TMEM132B: variants seen among roughly 807,000 people sequenced by gnomAD.
TMEM132B encodes the protein transmembrane protein 132B.
TMEM132B carries 18 observed loss-of-function variants against 90.8 expected under a neutral mutation model. That is an observed-to-expected ratio of 0.20 (90% confidence interval 0.14 to 0.29). The LOEUF (loss-of-function observed/expected upper bound fraction) is 0.29, where lower values mean the gene tolerates loss of function less well. TMEM132B is among the 10% of genes least tolerant of loss of function. The pLI is 1.00. For missense variants in TMEM132B, 1,096 were observed against 1,326.8 expected (o/e 0.83, Z 2.70); for synonymous variants, 504 against 523.3 (o/e 0.96, Z 0.50).
At chr12:125,431,809 C>G (rs1165563977) in intron 3 of TMEM132B, among the ~76,000 whole-genome samples, 2 of 152,132 alleles carry the variant, frequency 1.3e-5, no homozygotes, top group Non-Finnish European at 2.9e-5. Flanking sequence ...GCTTGAGATA[C>G]AATCTGCAAT....
intron 1 of TMEM132B, among the ~76,000 whole-genome samples, chr12:125,256,899 T>C (rs1874450515): frequency 6.6e-6 from 1 of 152,208 alleles, no homozygotes; most frequent in Non-Finnish European, 1.5e-5. Flanking sequence ...GGGGGCTCTT[T>C]ACACAGAGAT....
intron 4 of TMEM132B, among the ~76,000 whole-genome samples, chr12:125,580,645 AT>A (rs1566079830): frequency 6.6e-6 from 1 of 152,060 alleles, no homozygotes; most frequent in African/African-American, 2.4e-5. Flanking sequence ...ATAATTAGCC[AT>A]TTTTTCTTGA....
intron 3 of TMEM132B, among the ~76,000 whole-genome samples, chr12:125,450,725 C>CT (rs1593153318): frequency 6.6e-6 from 1 of 152,218 alleles, no homozygotes; most frequent in East Asian, 1.9e-4. Flanking sequence ...TAACAGATCG[C>CT]TTATTAATTA....
At chr12:125,264,078 C>T (rs1440705152) in intron 1 of TMEM132B, among the ~76,000 whole-genome samples, 1 of 152,184 alleles carries the variant, frequency 6.6e-6, no homozygotes, top group African/African-American at 2.4e-5. Context: ...TCTGGAAGCT[C>T]TAGAGGAAAA....
chr12:125,528,439 A>C (rs1359978203), intron 4 of TMEM132B, among the ~76,000 whole-genome samples: 1 of 152,248 alleles, frequency 6.6e-6, no homozygotes, highest in East Asian at 1.9e-4. Context: ...AGAGATCATC[A>C]GATTCCTTTT....
rs112393054 is a variant in TMEM132B, at chr12:125,549,321, C to T, written c.1293+29696C>T. 6.4e-3 allele frequency among the ~76,000 whole-genome samples: 981 copies of T among 152,344 alleles called. 10 individuals carry two copies. Among genetic ancestry groups the T allele is most frequent in the African/African-American group, 0.023 (944 of 41,574 alleles). On this transcript the variant is annotated intron_variant, in intron 4 of 8. Transcript: ENST00000682704. ...TCCTCGGCTCTGTTGAACCCACCCA[C>T]GCTCTGAGGTCTCTAGAAAACAGCC...
At chr12:125,442,464 T>C (rs2136431007) in intron 3 of TMEM132B, among the ~76,000 whole-genome samples, 1 of 152,324 alleles carries the variant, frequency 6.6e-6, no homozygotes, top group Admixed American at 6.5e-5. Flanking sequence ...TTACTAGCTG[T>C]GTGGCCTCAG....
chr12:125,547,330 AT>A (rs1366196396), intron 4 of TMEM132B, among the ~76,000 whole-genome samples: 1 of 143,610 alleles, frequency 7.0e-6, no homozygotes, highest in Non-Finnish European at 1.5e-5. Context: ...AATTTTAGCC[AT>A]TTTTTTGTGG....
chr12:125,211,506 G>A (rs1873316669), intron 1 of TMEM132B, among the ~76,000 whole-genome samples: 1 of 152,210 alleles, frequency 6.6e-6, no homozygotes, highest in Admixed American at 6.5e-5. Context: ...GCTGTCTGCT[G>A]CCTGTTTTCT....
intron 3 of TMEM132B, among the ~76,000 whole-genome samples, chr12:125,440,258 T>C (rs930915948): frequency 6.6e-6 from 1 of 152,212 alleles, no homozygotes; most frequent in African/African-American, 2.4e-5. Flanking sequence ...ATGGATATGC[T>C]CTTGGTGTTT....
chr12:125,591,372 G>C (rs1235104565), intron 5 of TMEM132B, among the ~76,000 whole-genome samples: 2 of 152,066 alleles, frequency 1.3e-5, no homozygotes, highest in Non-Finnish European at 2.9e-5. Context: ...TTCAAAGCCA[G>C]CAGCGTAGCA....
chr12:125,330,024 G>T (rs1317398785), intron 1 of TMEM132B, among the ~76,000 whole-genome samples: 1 of 152,260 alleles, frequency 6.6e-6, no homozygotes, highest in Non-Finnish European at 1.5e-5. Flanking sequence ...TGTGGCCATT[G>T]TTCCGTGGCC....
chr12:125,562,045 TTAAG>T (rs1254406649), intron 4 of TMEM132B, among the ~76,000 whole-genome samples: 1 of 152,244 alleles, frequency 6.6e-6, no homozygotes, highest in Non-Finnish European at 1.5e-5. Context: ...GATCTGTTGT[TTAAG>T]TATAGCCATC....
At chr12:125,327,868 A>G (rs1340888270) in intron 1 of TMEM132B, among the ~76,000 whole-genome samples, 1 of 152,210 alleles carries the variant, frequency 6.6e-6, no homozygotes, top group Non-Finnish European at 1.5e-5. Flanking sequence ...CGGGCTCTAC[A>G]TAGCTAAGAG....
At chr12:125,427,002 AG>A (rs1437661645) in intron 3 of TMEM132B, among the ~76,000 whole-genome samples, 1 of 152,266 alleles carries the variant, frequency 6.6e-6, no homozygotes, top group East Asian at 1.9e-4. Flanking sequence ...CATGAGCAAG[AG>A]TTTAAAAGTG....
At chr12:125,311,576 A>T (rs1235336650) in intron 1 of TMEM132B, among the ~76,000 whole-genome samples, 1 of 152,040 alleles carries the variant, frequency 6.6e-6, no homozygotes, top group Non-Finnish European at 1.5e-5. Flanking sequence ...AAGCCCCATG[A>T]TCTCATTCCT....
intron 1 of TMEM132B, among the ~76,000 whole-genome samples, chr12:125,273,639 A>G (rs1251556544): frequency 6.6e-6 from 1 of 152,186 alleles, no homozygotes; most frequent in Non-Finnish European, 1.5e-5. Context: ...AGGGTGATGT[A>G]CATACAGTAA....
At chr12:125,374,774 T>C (rs534091277) in intron 2 of TMEM132B, among the ~76,000 whole-genome samples, 7 of 151,958 alleles carry the variant, frequency 4.6e-5, no homozygotes, top group African/African-American at 1.4e-4. Context: ...AGGAAACAGA[T>C]AGAAAAAAGA....
intron 1 of TMEM132B, among the ~76,000 whole-genome samples, chr12:125,233,344 G>T (rs1349434066): frequency 6.6e-6 from 1 of 152,132 alleles, no homozygotes; most frequent in East Asian, 1.9e-4. Flanking sequence ...TGCCATCTTT[G>T]GCTTGTGACT....
Sources: allele counts gnomAD v4.1 joint callset (sites outside exome capture counted in the v4.1 genomes callset), GRCh38; gene constraint gnomAD v4.1.1; transcripts MANE v1.5; gene names NCBI Gene and HGNC (gene_info 2026-07-23, HGNC 2026-07-21).